TBX18: variants seen among roughly 807,000 people sequenced by gnomAD.
TBX18 encodes the protein T-box transcription factor TBX18.
Under a neutral mutation model 55.0 loss-of-function variants are expected in TBX18, and 21 were observed. The observed-to-expected ratio is 0.38, with a 90% CI of 0.27 to 0.55. The LOEUF is 0.55. Ranked by LOEUF, TBX18 falls within the 20% of genes least tolerant of loss-of-function variation. The pLI, the probability that TBX18 is intolerant of heterozygous loss-of-function variation, is 0.73. For synonymous variants in TBX18, 342 were observed against 326.1 expected, an observed-to-expected ratio of 1.05 and a Z score of -0.53; for missense variants, 840 against 799.6, an observed-to-expected ratio of 1.05 and a Z score of -0.61.
At position 84,736,872 on chromosome 6, in the gene TBX18, T is replaced by G. The variant is rs747874278; in HGVS notation, c.1637A>C (p.Lys546Thr). 1.2e-6 allele frequency: 2 copies of G among 1,613,454 alleles called. No homozygotes were observed. Among genetic ancestry groups the G allele is most frequent in the Non-Finnish European group, 8.5e-7 (1 of 1,179,754 alleles). ...GAAACTTCCTTGGGAAGAAACAATT[T>G]TCTCAGGACTGGCAGCCAGTTTGGG... is the stretch of plus-strand genomic sequence containing the variant. ...TSPKLAASPE[K>T]IVSSQGSFLG... The change falls in exon 8 of 8, where the codon AAA (lysine) becomes ACA (threonine). Residue 546 changes from lysine (K) to threonine (T), a missense_variant. Transcript: ENST00000369663.
chr6:84,762,600 C>T lies in TBX18; in HGVS notation c.441G>A (p.Glu147=). 6.2e-7 allele frequency: 1 copy of T among 1,613,746 alleles called. No homozygotes were observed. The highest frequency in any genetic ancestry group is 8.5e-7 in the Non-Finnish European group (1 of 1,179,902). The part of the protein sequence containing the change: ...QAPRVDLQGA[E]LWKRFHEIGT... The stretch of plus-strand genomic sequence containing the variant: ...CTATCTCATGAAAGCGCTTCCAGAG[C>T]TCGGCTCCCTGCAGATCCACCCGCG... Residue 147 remains glutamate, a synonymous_variant, in exon 2 of 8, where the codon GAG becomes GAA. Transcript: ENST00000369663.
intron 5 of TBX18, among the ~76,000 whole-genome samples, chr6:84,744,798 TA>T (rs893609497): frequency 9.9e-5 from 15 of 152,182 alleles, no homozygotes; most frequent in Admixed American, 2.0e-4. Context: ...TTCTCTTCTT[TA>T]AAATTAGGTA....
In TBX18 at chr6:84,736,208, T is replaced by G. The variant is rs1258923496; in HGVS notation, c.*477A>C. On this transcript the variant is annotated 3_prime_UTR_variant, in exon 8 of 8. Coordinates refer to ENST00000369663, the MANE Select transcript of TBX18 (RefSeq NM_001080508.3). ...CTAAGACTTCAACTGGCTTTTGTATTTTAGATTCTCACACTGTGTCCAAGA... is the reference window on the plus strand; with the variant it reads ...CTAAGACTTCAACTGGCTTTTGTATGTTAGATTCTCACACTGTGTCCAAGA... 1 of 152,688 alleles carries G rather than the reference T, an allele frequency of 6.5e-6. No homozygotes were observed. The highest frequency in any genetic ancestry group is 2.4e-5 in the African/African-American group (1 of 41,458). 9.5% of individuals were successfully genotyped at this position (152,688 alleles called of 1,614,324 possible). A position where few individuals can be genotyped will look rare whatever the true frequency, so the allele number is the denominator to read the frequency against.
Position 84,733,688 on chromosome 6 carries a change from T to C in TBX18, c.*2997A>G, listed in dbSNP as rs1026678221. Reference sequence around the variant, plus strand: ...AGAATTGTCCTGCTACAAAAATTACTTTTTCCTCTAAGTCAAACCTCCAGC... The same window carrying C: ...AGAATTGTCCTGCTACAAAAATTACCTTTTCCTCTAAGTCAAACCTCCAGC... On this transcript the variant is annotated 3_prime_UTR_variant, in exon 8 of 8. Transcript: ENST00000369663. The C allele has an allele frequency of 6.6e-6, 1 of 152,208 alleles. No homozygotes were observed. Among genetic ancestry groups the C allele is most frequent in the Non-Finnish European group, 1.5e-5 (1 of 68,036 alleles). The allele number at this position is 152,208 out of a possible 1,614,324, so 9.4% of individuals were successfully genotyped here.
intron 6 of TBX18, among the ~76,000 whole-genome samples, chr6:84,743,731 A>G (rs1032073913): frequency 2.0e-5 from 3 of 152,216 alleles, no homozygotes; most frequent in Non-Finnish European, 4.4e-5. Flanking sequence ...AAACACCACA[A>G]AACGTGAAAC....
chr6:84,754,231 G>A (rs891419940), intron 4 of TBX18, among the ~76,000 whole-genome samples: 2 of 152,112 alleles, frequency 1.3e-5, no homozygotes, highest in Non-Finnish European at 2.9e-5. Context: ...CCCAGGCCAA[G>A]CCACCGTGCC....
intron 1 of TBX18, among the ~76,000 whole-genome samples, 195 bp downstream of exon 1, chr6:84,763,695 G>A (rs1008213229): frequency 6.6e-6 from 1 of 152,150 alleles, no homozygotes; most frequent in African/African-American, 2.4e-5. Context: ...CCCGCGAGGC[G>A]AGCCTGGAAG....
intron 4 of TBX18, among the ~76,000 whole-genome samples, chr6:84,751,265 A>G (rs527875918): frequency 2.0e-5 from 3 of 152,276 alleles, no homozygotes; most frequent in East Asian, 1.9e-4. Flanking sequence ...TTTTATGAAG[A>G]CTGTTCTCTC....
intron 5 of TBX18, among the ~76,000 whole-genome samples, chr6:84,747,337 T>C (rs1164717336): frequency 6.6e-6 from 1 of 152,170 alleles, no homozygotes; most frequent in Non-Finnish European, 1.5e-5. Flanking sequence ...TAGAGAAATA[T>C]ATACATTTAC....
Position 84,737,228 on chromosome 6 carries a change from G to A in TBX18, c.1281C>T (p.Leu427=). 4.3e-6 allele frequency: 7 copies of A among 1,610,940 alleles called. No homozygotes were observed. The highest frequency in any genetic ancestry group is 5.9e-6 in the Non-Finnish European group (7 of 1,178,218). Residue 427 remains leucine (L), a synonymous_variant, in exon 8 of 8, where the codon CTC becomes CTT. Transcript: ENST00000369663. ...CTGCCAAAGATGTGCTGTATCGGTT[G>A]AGGGTGAGGCCTGAGCGGGCACAGG... ...YSACARSGLT[L]NRYSTSLAET...
Position 84,763,120 on chromosome 6 carries a change from G to T in TBX18, c.293-372C>A, listed in dbSNP as rs1013086119. On this transcript the variant is annotated intron_variant, in intron 1 of 7. Transcript: ENST00000369663. Reference sequence around the variant, plus strand: ...GGAGTCAGAGGAGCTCCCGGGTCCAGAGTCCCCAGTGCAAACTCCGACGCA... The same window carrying T: ...GGAGTCAGAGGAGCTCCCGGGTCCATAGTCCCCAGTGCAAACTCCGACGCA... 1.0e-5 allele frequency: 4 copies of T among 393,744 alleles called. No homozygotes were observed. In the Admixed American group the frequency reaches 1.6e-4, roughly 16 times the overall value. 24.4% of individuals were successfully genotyped at this position (393,744 alleles called of 1,614,324 possible).
chr6:84,750,863 C>A (rs1357146443), intron 4 of TBX18, among the ~76,000 whole-genome samples: 3 of 152,186 alleles, frequency 2.0e-5, no homozygotes, highest in Non-Finnish European at 4.4e-5. Flanking sequence ...CCAATCATAT[C>A]ATAGCAACCA....
At chr6:84,745,662 C>T (rs1767163517) in intron 5 of TBX18, among the ~76,000 whole-genome samples, 1 of 152,050 alleles carries the variant, frequency 6.6e-6, no homozygotes, top group African/African-American at 2.4e-5. Flanking sequence ...ATCAATATAG[C>T]TCAATTTTCT....
Position 84,738,433 on chromosome 6 carries a change from T to C in TBX18, c.1099+64A>G, listed in dbSNP as rs994511017. 4.0e-5 allele frequency: 49 copies of C among 1,228,920 alleles called. No individual in the cohort carries two copies. The Middle Eastern group carries it at 5.7e-4, about 14-fold the overall frequency. The allele number at this position is 1,228,920 out of a possible 1,614,324, so 76.1% of individuals were successfully genotyped here. The stretch of plus-strand genomic sequence containing the variant: ...AGTATAAATAATGACTTGTACACTT[T>C]TAGTGCCTGAGTTTCTAGGCAGGAA... On this transcript the variant is annotated intron_variant, in intron 7 of 7. Coordinates refer to ENST00000369663, the MANE Select transcript of TBX18 (RefSeq NM_001080508.3).
At chr6:84,753,187 G>T (rs1314299592) in intron 4 of TBX18, among the ~76,000 whole-genome samples, 1 of 152,106 alleles carries the variant, frequency 6.6e-6, no homozygotes, top group African/African-American at 2.4e-5. Context: ...TTCCACTCTG[G>T]AATTTCACCA....
In TBX18 at chr6:84,756,821, C is replaced by T. The variant is rs769967225; in HGVS notation, c.648G>A (p.Ser216=). ...SKWMVAGNAD[S]PVPPRVYIHP... ...GAATGTACACACGGGGTGGCACAGG[C>T]GAGTCAGCATTACCTGCCACCATCC... Residue 216 remains serine, a synonymous_variant, in exon 4 of 8, where the codon TCG becomes TCA. Transcript: ENST00000369663. 7 of 1,614,016 alleles carry T rather than the reference C, an allele frequency of 4.3e-6. No individual in the cohort carries two copies. The East Asian group carries it at 8.9e-5, about 21-fold the overall frequency.
intron 7 of TBX18, 56 bp downstream of exon 7, chr6:84,738,441 T>C (rs1384083636): frequency 9.7e-6 from 13 of 1,346,556 alleles, no homozygotes; most frequent in Non-Finnish European, 1.4e-5. Context: ...TTTTAGTGCC[T>C]GAGTTTCTAG....
chr6:84,746,461 ATAT>A (rs1360844925), intron 5 of TBX18, among the ~76,000 whole-genome samples: 1 of 146,968 alleles, frequency 6.8e-6, no homozygotes, highest in Non-Finnish European at 1.5e-5. Flanking sequence ...CGTATATTAT[ATAT>A]TATTGTACAG....
chr6:84,736,590 T>G lies in TBX18; in HGVS notation c.*95A>C. 7.2e-7 allele frequency: 1 copy of G among 1,389,962 alleles called. No individual in the cohort carries two copies. 86.1% of individuals were successfully genotyped at this position (1,389,962 alleles called of 1,614,324 possible). A position where few individuals can be genotyped will look rare whatever the true frequency, so the allele number is the denominator to read the frequency against. On this transcript the variant is annotated 3_prime_UTR_variant, in exon 8 of 8. Transcript: ENST00000369663. ...TTCATTTTCTATTATATGTACATTT[T>G]ATAAACCACAGAGAGTTTCTTTCCA...
Sources: allele counts gnomAD v4.1 joint callset (sites outside exome capture counted in the v4.1 genomes callset), GRCh38; gene constraint gnomAD v4.1.1; transcripts MANE v1.5; gene names NCBI Gene and HGNC (gene_info 2026-07-23, HGNC 2026-07-21).